Variants in DNASE1 observed in about 807,000 individuals in gnomAD.
DNASE1 encodes deoxyribonuclease 1.
Under a neutral mutation model 33.9 loss-of-function variants are expected in DNASE1, and 40 were observed. That is an observed-to-expected ratio of 1.18 (90% confidence interval 0.92 to 1.54). DNASE1 has a LOEUF of 1.54. Among genes scored for constraint, DNASE1 ranks in the 40% most tolerant of loss-of-function variants. The pLI is 0.00. For missense variants in DNASE1, 518 were observed against 372.6 expected (o/e 1.39, Z -3.21); for synonymous variants, 216 against 160.0 (o/e 1.35, Z -2.64).
downstream of DNASE1, chr16:3,662,158 G>GTGAT (rs762831671): frequency 1.0e-5 from 16 of 1,596,208 alleles, no homozygotes; most frequent in Admixed American, 1.9e-4. Flanking sequence ...GGGGTTGAGG[G>GTGAT]TGATAGAGGT....
downstream of DNASE1, chr16:3,661,869 C>T: frequency 1.5e-6 from 2 of 1,313,856 alleles, no homozygotes; most frequent in Non-Finnish European, 2.0e-6. Context: ...TTATAGTTAC[C>T]CACATGTCCA....
intron 1 of DNASE1, among the ~76,000 whole-genome samples, chr16:3,618,472 G>A (rs960486559): frequency 3.3e-5 from 5 of 152,198 alleles, no homozygotes; most frequent in South Asian, 2.1e-4. Context: ...GCTCACGCCC[G>A]TAATCCCAGC....
At chr16:3,656,401 G>C (rs1233258812) in intron 4 of DNASE1, among the ~76,000 whole-genome samples, 2 of 131,838 alleles carry the variant, frequency 1.5e-5, no homozygotes, top group Non-Finnish European at 3.3e-5. Flanking sequence ...CCGGACCAAT[G>C]GGTTGAGCAG....
chr16:3,624,205 G>T (rs2041424440), intron 1 of DNASE1, among the ~76,000 whole-genome samples: 1 of 150,870 alleles, frequency 6.6e-6, no homozygotes, highest in Non-Finnish European at 1.5e-5. Context: ...GGAGGCAGAG[G>T]TTTCAGTGAC....
At chr16:3,621,787 G>T (rs2041323103) in intron 1 of DNASE1, among the ~76,000 whole-genome samples, 1 of 152,164 alleles carries the variant, frequency 6.6e-6, no homozygotes, top group Non-Finnish European at 1.5e-5. Flanking sequence ...GGCTAATGGT[G>T]CATTGAACAT....
At chr16:3,664,095 T>C (rs948583402) in exon 10 of DNASE1, 2 of 626,272 alleles carry the variant, frequency 3.2e-6, no homozygotes, top group African/African-American at 1.9e-5. Flanking sequence ...AAAAACCACA[T>C]GTGACCTCCA....
At chr16:3,661,833 G>T, downstream of DNASE1, 1 of 1,001,488 alleles carries the variant, frequency 1.0e-6, no homozygotes, top group East Asian at 3.2e-5. Flanking sequence ...TTTCACATGG[G>T]TGCAGCCTAA....
intron 1 of DNASE1, among the ~76,000 whole-genome samples, chr16:3,644,686 G>C (rs2042118611): frequency 6.6e-6 from 1 of 151,360 alleles, no homozygotes; most frequent in South Asian, 2.1e-4. Flanking sequence ...AGTGAGCTAT[G>C]AATGTGCCAC....
upstream of DNASE1, chr16:3,652,246 C>T (rs1279373438): frequency 6.6e-6 from 1 of 152,334 alleles, no homozygotes; most frequent in Admixed American, 6.5e-5. Context: ...GTCCCACGTG[C>T]TGAGCACACG....
At chr16:3,637,076 A>G (rs931600616) in intron 1 of DNASE1, among the ~76,000 whole-genome samples, 5 of 151,932 alleles carry the variant, frequency 3.3e-5, no homozygotes, top group African/African-American at 1.2e-4. Context: ...GTCAGTAGAG[A>G]TTGAGCCAGT....
chr16:3,656,002 T>C (rs760400616), intron 3 of DNASE1, 65 bp downstream of exon 3: 1 of 1,612,138 alleles, frequency 6.2e-7, no homozygotes, highest in Non-Finnish European at 8.5e-7. Flanking sequence ...TCACTTCACT[T>C]GGGCCCCAAG....
At chr16:3,625,050 T>C (rs1195062985) in intron 1 of DNASE1, among the ~76,000 whole-genome samples, 2 of 152,160 alleles carry the variant, frequency 1.3e-5, no homozygotes, top group Non-Finnish European at 2.9e-5. Flanking sequence ...CTCACTCCTG[T>C]AATCCCAGCA....
intron 1 of DNASE1, among the ~76,000 whole-genome samples, chr16:3,626,687 C>T (rs989837810): frequency 6.6e-6 from 1 of 152,138 alleles, no homozygotes; most frequent in Non-Finnish European, 1.5e-5. Flanking sequence ...TTTCTGTCTA[C>T]TGGTTCTATG....
chr16:3,650,066 C>T (rs2042286306), upstream of DNASE1, among the ~76,000 whole-genome samples: 1 of 152,144 alleles, frequency 6.6e-6, no homozygotes, highest in Non-Finnish European at 1.5e-5. Flanking sequence ...TTGGTTCCTA[C>T]AAGTTTTGTT....
rs755327078 is a variant in DNASE1 at position 3,656,701 on chromosome 16, C to T, written c.384C>T (p.Asn128=). ...YYDDGCEPCG[N]DTFNREPAIV... The stretch of plus-strand genomic sequence containing the variant: ...ATGATGGCTGCGAGCCCTGCGGGAA[C>T]GACACCTTCAACCGAGAGCCAGCCA... Residue 128 remains asparagine, a synonymous_variant, in exon 5 of 9, where the codon AAC becomes AAT. Coordinates refer to ENST00000246949, the MANE Select transcript of DNASE1 (RefSeq NM_005223.4). 5.5e-5 allele frequency: 89 copies of T among 1,613,102 alleles called. No individual in the cohort carries two copies. Among genetic ancestry groups the T allele is most frequent in the East Asian group, 1.6e-4 (7 of 44,820 alleles).
chr16:3,622,164 G>C (rs2041340333), intron 1 of DNASE1, among the ~76,000 whole-genome samples: 1 of 144,330 alleles, frequency 6.9e-6, no homozygotes. Flanking sequence ...AGGTTGCAGT[G>C]AGCCAAGATC....
At chr16:3,663,694 C>T in exon 10 of DNASE1, 1 of 1,147,200 alleles carries the variant, frequency 8.7e-7, no homozygotes, top group Non-Finnish European at 1.2e-6. Flanking sequence ...AGTTGGGGTT[C>T]CTAGGCCTGC....
intron 1 of DNASE1, among the ~76,000 whole-genome samples, chr16:3,633,638 C>T (rs1388002693): frequency 2.0e-5 from 3 of 151,584 alleles, no homozygotes; most frequent in East Asian, 3.9e-4. Context: ...AAGTCTTTGC[C>T]CTTGAGTTTG....
intron 1 of DNASE1, among the ~76,000 whole-genome samples, chr16:3,618,324 A>T (rs1420036104): frequency 2.0e-5 from 3 of 152,210 alleles, no homozygotes; most frequent in Non-Finnish European, 4.4e-5. Context: ...GAGGGAATGT[A>T]AAATGGTACA....
Sources: gnomAD v4.1 joint callset for allele counts (sites outside exome capture counted in the v4.1 genomes callset) on GRCh38, gnomAD v4.1.1 for gene constraint, MANE v1.5 for transcripts, NCBI Gene and HGNC (gene_info 2026-07-23, HGNC 2026-07-21) for gene names.